The following MARCHF1 variants were observed in gnomAD, a reference collection of about 807,000 sequenced individuals.
MARCHF1 encodes E3 ubiquitin-protein ligase MARCHF1.
Under a neutral mutation model 54.2 loss-of-function variants are expected in MARCHF1, and 40 were observed. The observed-to-expected ratio is 0.74, with a 90% CI of 0.57 to 0.96. MARCHF1 has a LOEUF of 0.96. MARCHF1 is among the 40% of genes least tolerant of loss of function. The probability of loss-of-function intolerance (pLI) is 0.00; values close to 1 mark genes in which losing one functional copy is unlikely to be tolerated. For synonymous variants in MARCHF1, 236 were observed against 236.3 expected, an observed-to-expected ratio of 1.00 and a Z score of 0.01; for missense variants, 586 against 656.5, an observed-to-expected ratio of 0.89 and a Z score of 1.17.
At chr4:164,339,887 C>G (rs922012964) in intron 1 of MARCHF1, among the ~76,000 whole-genome samples, 1 of 152,112 alleles carries the variant, frequency 6.6e-6, no homozygotes, top group African/African-American at 2.4e-5. Context: ...TGTAACATTA[C>G]AACTGGTACC....
At chr4:164,223,127 C>A (rs1732159722) in intron 1 of MARCHF1, among the ~76,000 whole-genome samples, 1 of 151,890 alleles carries the variant, frequency 6.6e-6, no homozygotes, top group Admixed American at 6.6e-5. Context: ...TTATCCTGGC[C>A]CCACCCTTAA....
chr4:164,147,732 T>G, intron 1 of MARCHF1, among the ~76,000 whole-genome samples: 1 of 140,874 alleles, frequency 7.1e-6, no homozygotes, highest in African/African-American at 2.7e-5. Flanking sequence ...AGATGACGAG[T>G]TAGTGGGTGC....
intron 5 of MARCHF1, among the ~76,000 whole-genome samples, chr4:163,686,511 A>C (rs1744273845): frequency 6.7e-6 from 1 of 148,996 alleles, no homozygotes. Context: ...TTACTTTTGC[A>C]CCAAGCTAAT....
chr4:163,683,029 C>A (rs1744155769), intron 5 of MARCHF1, among the ~76,000 whole-genome samples: 1 of 152,086 alleles, frequency 6.6e-6, no homozygotes, highest in South Asian at 2.1e-4. Context: ...AATTTTTTGA[C>A]AAATAGAAGT....
chr4:163,625,192 CA>C (rs1186491731), intron 5 of MARCHF1, among the ~76,000 whole-genome samples: 1 of 152,298 alleles, frequency 6.6e-6, no homozygotes, highest in East Asian at 1.9e-4. Flanking sequence ...GAATTTCCCT[CA>C]AGGTCCAGTG....
chr4:163,751,555 C>T (rs1316544199), intron 4 of MARCHF1, among the ~76,000 whole-genome samples: 2 of 150,374 alleles, frequency 1.3e-5, no homozygotes, highest in African/African-American at 4.9e-5. Context: ...AATCAAAATA[C>T]TGTAATAAAA....
chr4:163,857,299 G>A (rs1328715729), intron 3 of MARCHF1, among the ~76,000 whole-genome samples: 1 of 152,088 alleles, frequency 6.6e-6, no homozygotes, highest in Non-Finnish European at 1.5e-5. Context: ...GAGATGAGTT[G>A]AGAGAACTGA....
chr4:164,376,426 T>C (rs1014310457), intron 1 of MARCHF1, among the ~76,000 whole-genome samples: 1 of 152,198 alleles, frequency 6.6e-6, no homozygotes, highest in Non-Finnish European at 1.5e-5. Flanking sequence ...GTCATAAATC[T>C]TAGGCCAGGC....
chr4:163,852,918 T>C (rs1386144659), intron 4 of MARCHF1, among the ~76,000 whole-genome samples: 1 of 152,080 alleles, frequency 6.6e-6, no homozygotes, highest in Non-Finnish European at 1.5e-5. Flanking sequence ...CCCTCATAAA[T>C]GGTATTAGTG....
chr4:164,011,165 G>GA (rs1318882144), intron 2 of MARCHF1, among the ~76,000 whole-genome samples: 2 of 151,272 alleles, frequency 1.3e-5, no homozygotes, highest in South Asian at 2.1e-4. Flanking sequence ...GAAGCTACTA[G>GA]AAAAAAAAAT....
chr4:163,605,025 C>T (rs1741096283), intron 7 of MARCHF1, among the ~76,000 whole-genome samples: 1 of 152,008 alleles, frequency 6.6e-6, no homozygotes, highest in African/African-American at 2.4e-5. Context: ...CTGTCTATTT[C>T]CAGCTTCTAA....
intron 5 of MARCHF1, among the ~76,000 whole-genome samples, chr4:163,671,118 G>C (rs1315984237): frequency 2.0e-5 from 3 of 152,214 alleles, no homozygotes; most frequent in Non-Finnish European, 4.4e-5. Context: ...GTTGGATGCA[G>C]AGGGTATCTT....
At chr4:164,294,444 C>A (rs890240215) in intron 1 of MARCHF1, among the ~76,000 whole-genome samples, 1 of 152,160 alleles carries the variant, frequency 6.6e-6, no homozygotes, top group South Asian at 2.1e-4. Context: ...GCCACACCAA[C>A]GGACTGGAGT....
At chr4:163,613,541 T>A in intron 5 of MARCHF1, 148 bp from the exon 6 acceptor site, 1 of 1,556,242 alleles carries the variant, frequency 6.4e-7, no homozygotes, top group Non-Finnish European at 8.7e-7. Context: ...ATAGGAAGTT[T>A]GAGGTTGGTT....
At chr4:164,197,361 G>GA (rs779298588) in intron 1 of MARCHF1, 1 of 1,612,914 alleles carries the variant, frequency 6.2e-7, no homozygotes, top group Non-Finnish European at 8.5e-7. Flanking sequence ...CCTCGCAATT[G>GA]AAAAGGTCTA....
chr4:163,742,404 T>G (rs1230429300), intron 4 of MARCHF1, among the ~76,000 whole-genome samples: 1 of 119,562 alleles, frequency 8.4e-6, no homozygotes, highest in Admixed American at 9.3e-5. Flanking sequence ...CCTCCCTTCC[T>G]TCCTTCCTTC....
At chr4:164,202,476 A>G (rs1731481684) in intron 1 of MARCHF1, among the ~76,000 whole-genome samples, 1 of 152,222 alleles carries the variant, frequency 6.6e-6, no homozygotes, top group African/African-American at 2.4e-5. Flanking sequence ...AGAGTGGTAT[A>G]AAATAATTTG....
chr4:163,889,925 TC>T (rs369602993), intron 3 of MARCHF1, among the ~76,000 whole-genome samples: 25,939 of 86,372 alleles, frequency 0.3, 4,037 homozygotes, highest in East Asian at 0.66. Context: ...TTTTCTTTTT[TC>T]TTTTTTTTTT....
At position 163,752,959 on chromosome 4, in the gene MARCHF1, G is replaced by A. The variant is rs971153398; in HGVS notation, c.112-52096C>T. On this transcript the variant is annotated intron_variant, in intron 4 of 9. Transcript: ENST00000514618. ...ATTTTCATTGCCAGTAACACTGAAG[G>A]TATGCACACTTAATGGCAATTTTCT... Among the ~76,000 whole-genome samples the A allele has an allele frequency of 4.6e-5, 7 of 152,200 alleles. No individual in the cohort carries two copies. The East Asian group carries it at 1.2e-3, about 25-fold the overall frequency.
Sources: allele counts gnomAD v4.1 joint callset (sites outside exome capture counted in the v4.1 genomes callset), GRCh38; gene constraint gnomAD v4.1.1; transcripts MANE v1.5; gene names NCBI Gene and HGNC (gene_info 2026-07-23, HGNC 2026-07-21).